Variants in LCORL observed in about 807,000 individuals in gnomAD.
LCORL encodes ligand dependent nuclear receptor corepressor like, also known as ligand-dependent nuclear receptor corepressor-like protein.
A neutral mutation model predicts 141.8 loss-of-function variants in LCORL; 41 were observed. The observed-to-expected ratio is 0.29, with a 90% CI of 0.23 to 0.38. The LOEUF is 0.38. LCORL is among the 10% of genes least tolerant of loss of function. The pLI is 1.00. For missense variants in LCORL, 1,759 were observed against 2,035.0 expected (o/e 0.86, Z 2.61); for synonymous variants, 618 against 694.1 (o/e 0.89, Z 1.72).
At chr4:17,958,377 T>A (rs1713101007) in intron 4 of LCORL, among the ~76,000 whole-genome samples, 1 of 151,932 alleles carries the variant, frequency 6.6e-6, no homozygotes, top group Non-Finnish European at 1.5e-5. Context: ...TATGTACATA[T>A]TATCTGTTCA....
intron 1 of LCORL, among the ~76,000 whole-genome samples, chr4:18,005,344 C>A (rs1170113031): frequency 1.3e-5 from 2 of 152,172 alleles, no homozygotes; most frequent in East Asian, 3.9e-4. Flanking sequence ...GTACAGCCTC[C>A]CTCCCAGCTG....
chr4:17,899,598 G>C (rs1298684129), intron 5 of LCORL, among the ~76,000 whole-genome samples: 1 of 152,146 alleles, frequency 6.6e-6, no homozygotes, highest in Non-Finnish European at 1.5e-5. Flanking sequence ...AAAACCAAGA[G>C]GAAGATTAAA....
chr4:17,864,726 A>G (rs1479846482), intron 7 of LCORL, among the ~76,000 whole-genome samples: 1 of 152,250 alleles, frequency 6.6e-6, no homozygotes, highest in Non-Finnish European at 1.5e-5. Flanking sequence ...GGCAAGCCTC[A>G]ATTCTGTGTT....
At chr4:17,999,297 C>CA (rs1721527270) in intron 1 of LCORL, among the ~76,000 whole-genome samples, 1 of 151,498 alleles carries the variant, frequency 6.6e-6, no homozygotes, top group African/African-American at 2.4e-5. Flanking sequence ...ACTAAAAATA[C>CA]AAAAAAATTA....
intron 1 of LCORL, among the ~76,000 whole-genome samples, chr4:18,012,843 C>T (rs1406860047): frequency 6.6e-6 from 1 of 152,084 alleles, no homozygotes; most frequent in African/African-American, 2.4e-5. Flanking sequence ...AAAGTATTCC[C>T]CATCTTACTA....
intron 2 of LCORL, among the ~76,000 whole-genome samples, chr4:17,964,609 G>A (rs944804660): frequency 1.4e-4 from 21 of 152,094 alleles, no homozygotes; most frequent in African/African-American, 4.8e-4. Flanking sequence ...CTATAGAACT[G>A]TAGCTATGTA....
At chr4:17,995,739 C>T (rs939570825) in intron 1 of LCORL, among the ~76,000 whole-genome samples, 4 of 152,094 alleles carry the variant, frequency 2.6e-5, no homozygotes, top group African/African-American at 9.7e-5. Flanking sequence ...GGAAACTAGT[C>T]TCACCCTCTC....
At chr4:17,955,462 T>C (rs1712413370) in intron 4 of LCORL, among the ~76,000 whole-genome samples, 1 of 152,132 alleles carries the variant, frequency 6.6e-6, no homozygotes, top group Non-Finnish European at 1.5e-5. Flanking sequence ...GTTCTTGAAA[T>C]ATATTAGTTA....
At chr4:18,010,400 G>C (rs1993638) in intron 1 of LCORL, among the ~76,000 whole-genome samples, 51 of 106,734 alleles carry the variant, frequency 4.8e-4, no homozygotes, top group African/African-American at 1.6e-3. Context: ...GTGTGTGTCT[G>C]TGTGTGTGTG....
intron 2 of LCORL, among the ~76,000 whole-genome samples, chr4:17,966,898 A>T (rs1449373815): frequency 6.6e-6 from 1 of 152,184 alleles, no homozygotes; most frequent in Non-Finnish European, 1.5e-5. Flanking sequence ...AAAACTAAAC[A>T]TAGTCTATCA....
At chr4:17,874,111 T>A in exon 7 of LCORL, 2 of 1,220,206 alleles carry the variant, frequency 1.6e-6, no homozygotes, top group Non-Finnish European at 2.0e-6. Context: ...AATCTTAAGT[T>A]TCTCCTTTTA....
At chr4:17,851,136 G>C (rs1723638187) in intron 7 of LCORL, among the ~76,000 whole-genome samples, 1 of 114,786 alleles carries the variant, frequency 8.7e-6, no homozygotes, top group African/African-American at 3.3e-5. Context: ...TGTGGGGTGG[G>C]GGGAGGGGGG....
chr4:17,934,204 T>C (rs918035943), intron 4 of LCORL, among the ~76,000 whole-genome samples: 2 of 152,052 alleles, frequency 1.3e-5, no homozygotes, highest in African/African-American at 2.4e-5. Context: ...AAACTGATTC[T>C]GATGTAAACT....
At chr4:17,859,824 C>G (rs905485421) in intron 7 of LCORL, among the ~76,000 whole-genome samples, 22 of 152,140 alleles carry the variant, frequency 1.4e-4, no homozygotes, top group African/African-American at 5.1e-4. Context: ...ACAGTCCAAG[C>G]TGAGAACCAA....
chr4:17,967,936 C>T (rs964217367), intron 2 of LCORL, among the ~76,000 whole-genome samples: 1 of 151,816 alleles, frequency 6.6e-6, no homozygotes, highest in Non-Finnish European at 1.5e-5. Context: ...CGGCTCACTG[C>T]AACCTCTGCC....
At chr4:17,945,113 GAGAA>G (rs1738646793) in intron 4 of LCORL, among the ~76,000 whole-genome samples, 1 of 152,102 alleles carries the variant, frequency 6.6e-6, no homozygotes, top group South Asian at 2.1e-4. Flanking sequence ...AAGAAACACA[GAGAA>G]AGAATAAGAC....
chr4:17,907,608 T>C (rs1260387735), intron 5 of LCORL, among the ~76,000 whole-genome samples: 1 of 152,152 alleles, frequency 6.6e-6, no homozygotes, highest in Non-Finnish European at 1.5e-5. Flanking sequence ...AGTACTGATA[T>C]TTTTTTCCTT....
At chr4:18,012,373 G>A (rs1723938614) in intron 1 of LCORL, among the ~76,000 whole-genome samples, 1 of 152,186 alleles carries the variant, frequency 6.6e-6, no homozygotes, top group African/African-American at 2.4e-5. Context: ...CAGGGAGTCA[G>A]GCAGTAGGGC....
chr4:18,017,804 T>C (rs1055489810), intron 1 of LCORL, among the ~76,000 whole-genome samples: 1 of 152,122 alleles, frequency 6.6e-6, no homozygotes, highest in Non-Finnish European at 1.5e-5. Context: ...ATATGGACCA[T>C]AAATTGGGTA....
Sources: gnomAD v4.1 joint callset for allele counts (sites outside exome capture counted in the v4.1 genomes callset) on GRCh38, gnomAD v4.1.1 for gene constraint, MANE v1.5 for transcripts, NCBI Gene and HGNC (gene_info 2026-07-23, HGNC 2026-07-21) for gene names.